The following RPH3A variants were observed in gnomAD, a reference collection of about 807,000 sequenced individuals.
RPH3A encodes the protein rabphilin 3A.
In RPH3A, 48 loss-of-function variants were observed where a neutral mutation model predicts 102.2. The observed-to-expected ratio is 0.47, with a 90% confidence interval of 0.37 to 0.60. The LOEUF is 0.60. Ranked by LOEUF, RPH3A falls within the 20% of genes least tolerant of loss-of-function variation. The pLI is 0.00. For synonymous variants in RPH3A, 310 were observed against 324.3 expected, an observed-to-expected ratio of 0.96 and a Z score of 0.47; for missense variants, 781 against 910.1, an observed-to-expected ratio of 0.86 and a Z score of 1.83.
At position 112,791,867 on chromosome 12, in the gene RPH3A, G is replaced by GGGGAGGGAGAGAGAGAGAGAGAGAGA. The variant is rs1555209147; in HGVS notation, c.-284_-283insGGAGGGAGAGAGAGAGAGAGAGAGAG. The GGGGAGGGAGAGAGAGAGAGAGAGAGA allele has an allele frequency of 2.1e-5, 1 of 48,484 alleles. No homozygotes were observed. Among genetic ancestry groups the GGGGAGGGAGAGAGAGAGAGAGAGAGA allele is most frequent in the African/African-American group, 9.6e-5 (1 of 10,408 alleles). 3.0% of individuals were successfully genotyped at this position (48,484 alleles called of 1,614,324 possible). ...CGCGGACTGGAAAGGAAGGGAGAAG[G>GGGGAGGGAGAGAGAGAGAGAGAGAGA]GAGAGAGAGAGAGAGAGAGAGAGAG... is the stretch of plus-strand genomic sequence containing the variant. On this transcript the variant is annotated 5_prime_UTR_variant, in exon 1 of 22. Transcript: ENST00000389385.
In RPH3A at chr12:112,869,932, G is replaced by A. The variant is rs1348156728; in HGVS notation, c.689G>A (p.Gly230Glu). 1.2e-6 allele frequency: 2 copies of A among 1,614,070 alleles called. No homozygotes were observed. Among genetic ancestry groups the A allele is most frequent in the African/African-American group, 2.7e-5 (2 of 75,016 alleles). Residue 230 changes from glycine (G) to glutamate (E), a missense_variant, in exon 10 of 22, where the codon GGG becomes GAG. Gly to Glu is a moderately conservative substitution (Grantham distance 98). This residue lies in a region of RPH3A where 730 missense variants were observed against 810.0 expected (regional missense o/e 0.90). Transcript: ENST00000389385. Reference sequence around the variant, plus strand: ...TCTGCTCCCGGGCGAGGAAACTATGGGCCTCCCGTGCGCAGGGCCTCCGAG... The same window carrying A: ...TCTGCTCCCGGGCGAGGAAACTATGAGCCTCCCGTGCGCAGGGCCTCCGAG... ...PASAPGRGNY[G>E]PPVRRASEAR...
intron 4 of RPH3A, among the ~76,000 whole-genome samples, chr12:112,841,737 A>G (rs2042151557): frequency 7.0e-6 from 1 of 142,358 alleles, no homozygotes; most frequent in Non-Finnish European, 1.5e-5. Context: ...GCATCCTAAT[A>G]TCTCAGTAGA....
intron 5 of RPH3A, among the ~76,000 whole-genome samples, chr12:112,864,654 C>T (rs79828636): frequency 2.0e-5 from 3 of 152,278 alleles, no homozygotes; most frequent in East Asian, 3.9e-4. Context: ...CTTGAGCATG[C>T]ATCAGGATAC....
chr12:112,889,379 G>T lies in RPH3A; in HGVS notation c.1564-645G>T, dbSNP rs191036187. 7.9e-5 allele frequency among the ~76,000 whole-genome samples: 12 copies of T among 152,342 alleles called. No individual in the cohort carries two copies. The East Asian group carries it at 2.3e-3, about 29-fold the overall frequency. On this transcript the variant is annotated intron_variant, in intron 17 of 21. Coordinates refer to ENST00000389385, the MANE Select transcript of RPH3A (RefSeq NM_001143854.2). The stretch of plus-strand genomic sequence containing the variant: ...GAATGCAGCCAGCCCCAGAGACATG[G>T]AGGTGCAGGACACCCAGAGGGCTGC...
chr12:112,706,017 C>G (rs2040424943), intron 1 of RPH3A, among the ~76,000 whole-genome samples: 1 of 152,082 alleles, frequency 6.6e-6, no homozygotes. Flanking sequence ...GAAACAGACC[C>G]AAACAAATAA....
intron 1 of RPH3A, among the ~76,000 whole-genome samples, chr12:112,694,804 A>G (rs1346598727): frequency 1.3e-5 from 2 of 152,190 alleles, no homozygotes; most frequent in African/African-American, 4.8e-5. Context: ...CAATTGCCTC[A>G]TTGGTAAAAC....
chr12:112,766,555 CA>C (rs1224518420), intron 1 of RPH3A, among the ~76,000 whole-genome samples: 1 of 152,058 alleles, frequency 6.6e-6, no homozygotes, highest in Non-Finnish European at 1.5e-5. Context: ...GAGGTGTTAC[CA>C]AGCCATCCTA....
chr12:112,721,135 T>C (rs2040547495), intron 1 of RPH3A, among the ~76,000 whole-genome samples: 1 of 152,230 alleles, frequency 6.6e-6, no homozygotes, highest in South Asian at 2.1e-4. Context: ...TAGCATAGTT[T>C]CTGGCACACG....
chr12:112,833,524 GGA>G lies in RPH3A; in HGVS notation c.72-2965_72-2964del, dbSNP rs1430627423. On this transcript the variant is annotated intron_variant, in intron 3 of 21. Transcript: ENST00000389385. Reference sequence around the variant, plus strand: ...GAGATATTTACACTTGCTTCTGCCAGGAGTGAGATGTTCTGGTCATCCAGAAA... The same window carrying G: ...GAGATATTTACACTTGCTTCTGCCAGGTGAGATGTTCTGGTCATCCAGAAA... Among the ~76,000 whole-genome samples the G allele has an allele frequency of 9.3e-5, 7 of 75,212 alleles. No individual in the cohort carries two copies. The East Asian group carries it at 1.5e-3, about 16-fold the overall frequency. 49.3% of individuals were successfully genotyped at this position (75,212 alleles called of 152,430 possible). A position where few individuals can be genotyped will look rare whatever the true frequency, so the allele number is the denominator to read the frequency against.
chr12:112,884,192 G>A (rs978230625), intron 16 of RPH3A, among the ~76,000 whole-genome samples: 14 of 152,162 alleles, frequency 9.2e-5, no homozygotes, highest in Middle Eastern at 3.4e-3. Context: ...GAAAAGTGTA[G>A]AATATACTAA....
At chr12:112,615,353 C>A (rs1428253128) in intron 1 of RPH3A, among the ~76,000 whole-genome samples, 1 of 152,178 alleles carries the variant, frequency 6.6e-6, no homozygotes, top group Non-Finnish European at 1.5e-5. Flanking sequence ...TTGGGGCCTC[C>A]AGTGATTGTT....
chr12:112,599,452 T>C (rs1157877847), intron 1 of RPH3A, among the ~76,000 whole-genome samples: 1 of 152,224 alleles, frequency 6.6e-6, no homozygotes, highest in Non-Finnish European at 1.5e-5. Flanking sequence ...TGTGGTTACA[T>C]TTTAATATTT....
At chr12:112,710,219 G>A (rs1232121097) in intron 1 of RPH3A, among the ~76,000 whole-genome samples, 5 of 152,042 alleles carry the variant, frequency 3.3e-5, no homozygotes, top group Non-Finnish European at 7.4e-5. Context: ...CTCGTGATCC[G>A]CCTGTCTCGG....
At chr12:112,783,675 A>C (rs1347630532) in intron 1 of RPH3A, among the ~76,000 whole-genome samples, 1 of 152,194 alleles carries the variant, frequency 6.6e-6, no homozygotes, top group Non-Finnish European at 1.5e-5. Context: ...CATGTTGTAC[A>C]TATTATTATT....
chr12:112,879,565 C>A (rs2042869864), intron 14 of RPH3A, among the ~76,000 whole-genome samples: 1 of 152,186 alleles, frequency 6.6e-6, no homozygotes, highest in South Asian at 2.1e-4. Context: ...GGAATGGTCC[C>A]ATCCCTGTGT....
At chr12:112,652,230 C>T (rs1415152973) in intron 1 of RPH3A, among the ~76,000 whole-genome samples, 2 of 152,086 alleles carry the variant, frequency 1.3e-5, no homozygotes, top group African/African-American at 4.8e-5. Flanking sequence ...AATCCCAGCA[C>T]TTTGAGAGGC....
chr12:112,790,328 G>A (rs1351542044), upstream of RPH3A, among the ~76,000 whole-genome samples: 2 of 152,126 alleles, frequency 1.3e-5, no homozygotes, highest in African/African-American at 4.8e-5. Context: ...AAAGTGCTGG[G>A]ATTACAGGCA....
Position 112,828,407 on chromosome 12 carries a change from C to A in RPH3A, c.71+18C>A, listed in dbSNP as rs2041916441. The A allele has an allele frequency of 6.3e-7, 1 of 1,587,794 alleles. No individual in the cohort carries two copies. Among genetic ancestry groups the A allele is most frequent in the Non-Finnish European group, 8.6e-7 (1 of 1,163,814 alleles). On this transcript the variant is annotated intron_variant, in intron 3 of 21. Transcript: ENST00000389385. The stretch of plus-strand genomic sequence containing the variant: ...CAATCAAAGTAAGTTGCTGCATCTT[C>A]CTGGGAGTGGCTTGTTTTGAGTCGA...
At chr12:112,736,677 C>T (rs772345453) in intron 1 of RPH3A, among the ~76,000 whole-genome samples, 9 of 152,122 alleles carry the variant, frequency 5.9e-5, no homozygotes, top group Admixed American at 1.3e-4. Flanking sequence ...ATAGGGCTGA[C>T]GCATACTAGG....
Sources: gnomAD v4.1 joint callset for allele counts (sites outside exome capture counted in the v4.1 genomes callset) on GRCh38, gnomAD v4.1.1 for gene constraint, gnomAD v4.1.1 regional missense constraint, MANE v1.5 for transcripts, NCBI Gene and HGNC (gene_info 2026-07-23, HGNC 2026-07-21) for gene names.